The following SH2D2A variants were observed in gnomAD, a reference collection of about 807,000 sequenced individuals.
The protein encoded by SH2D2A is SH2 domain-containing protein 2A.
SH2D2A carries 33 observed loss-of-function variants against 43.6 expected under a neutral mutation model. The ratio of observed to expected loss-of-function variants is 0.76; its 90% CI spans 0.57 to 1.01. The LOEUF (loss-of-function observed/expected upper bound fraction) is 1.01, where lower values mean the gene tolerates loss of function less well. Among genes scored for constraint, SH2D2A ranks in the 50% least tolerant of loss-of-function variants. The probability of loss-of-function intolerance (pLI) is 0.00; values close to 1 mark genes in which losing one functional copy is unlikely to be tolerated. For synonymous variants in SH2D2A, 212 were observed against 206.1 expected, an observed-to-expected ratio of 1.03 and a Z score of -0.25; for missense variants, 491 against 503.1, an observed-to-expected ratio of 0.98 and a Z score of 0.23.
At chr1:156,811,264 A>G (rs902530805) in intron 5 of SH2D2A, among the ~76,000 whole-genome samples, 3 of 152,148 alleles carry the variant, frequency 2.0e-5, no homozygotes, top group African/African-American at 7.2e-5. Context: ...CTCCATGCAC[A>G]TGGCCAGCAC....
intron 2 of SH2D2A, 132 bp downstream of exon 2, chr1:156,815,874 A>T (rs368557134): frequency 1.8e-4 from 284 of 1,613,952 alleles, no homozygotes; most frequent in Non-Finnish European, 2.3e-4. Context: ...TCTGTGCCCC[A>T]GCCCGTTGGC....
At chr1:156,814,488 G>A (rs2102814900) in intron 3 of SH2D2A, 194 bp from the exon 4 acceptor site, 1 of 1,093,258 alleles carries the variant, frequency 9.1e-7, no homozygotes, top group East Asian at 2.7e-5. Flanking sequence ...CGTGGACAGG[G>A]GCCAGGGGTC....
intron 1 of SH2D2A, among the ~76,000 whole-genome samples, 182 bp downstream of exon 1, chr1:156,816,493 C>A (rs1198217033): frequency 6.6e-6 from 1 of 152,228 alleles, no homozygotes; most frequent in Admixed American, 6.5e-5. Flanking sequence ...CCTTTATCCT[C>A]AGGGATGAGT....
At chr1:156,806,814 C>A (rs1161963202) in intron 8 of SH2D2A, among the ~76,000 whole-genome samples, 1 of 152,230 alleles carries the variant, frequency 6.6e-6, no homozygotes, top group Non-Finnish European at 1.5e-5. Context: ...GCTATGTTTT[C>A]TTCTCCGCAT....
Position 156,807,267 on chromosome 1 carries a change from C to T in SH2D2A, c.1081G>A (p.Ala361Thr), listed in dbSNP as rs202237236. ...TTGTGGGGGAGGGTGTGTCTCCAGG[C>T]GGGTGGGGGCTGGTGGGGCAGGGGA... The part of the protein sequence containing the change: ...GPPLPHQPPP[A>T]WRHTLPHNLS... The change falls in exon 8 of 9, where the codon GCC (alanine) becomes ACC (threonine). Residue 361 changes from alanine to threonine, a missense_variant. By Grantham distance (58) the Ala-to-Thr change is moderately conservative. Coordinates refer to ENST00000368199, the MANE Select transcript of SH2D2A (RefSeq NM_003975.4). The surrounding 1 kb of genome is among the most constrained non-coding windows in gnomAD (Gnocchi z 5.1). 1.5e-4 allele frequency: 38 copies of T among 258,358 alleles called. No homozygotes were observed. The highest frequency in any genetic ancestry group is 1.2e-3 in the East Asian group (13 of 10,580). The allele number at this position is 258,358 out of a possible 1,614,324, so 16.0% of individuals were successfully genotyped here. A position where few individuals can be genotyped will look rare whatever the true frequency, so the allele number is the denominator to read the frequency against.
At position 156,812,269 on chromosome 1, in the gene SH2D2A, C is replaced by T. The variant is rs544980267; in HGVS notation, c.567+1579G>A. 1.6e-4 allele frequency among the ~76,000 whole-genome samples: 25 copies of T among 152,264 alleles called. No individual in the cohort carries two copies. The South Asian group carries it at 2.9e-3, about 18-fold the overall frequency. The stretch of plus-strand genomic sequence containing the variant: ...CGAAACTTGCCAGGCCATGTCACCC[C>T]TCAGCTTGTAAGTCTCCAGTGCCAC... On this transcript the variant is annotated intron_variant, in intron 5 of 8. Transcript: ENST00000368199.
rs1423795967 is a variant in SH2D2A at position 156,809,756 on chromosome 1, T to C, written c.619A>G (p.Ser207Gly). Reference protein sequence around the residue: ...SLRTEESNFGSKSQDPNPQYS... With the variant: ...SLRTEESNFGGKSQDPNPQYS... ...TGGGGGTTTGGGTCCTGGCTTTTGC[T>C]TCCAAAGTTTGATTCTTCGGTCCTC... Residue 207 changes from serine to glycine, a missense_variant, in exon 6 of 9, where the codon AGC (serine) becomes GGC (glycine). By Grantham distance (56) the Ser-to-Gly change is moderately conservative (BLOSUM62 0). Coordinates refer to ENST00000368199, the MANE Select transcript of SH2D2A (RefSeq NM_003975.4). The surrounding 1 kb of genome is among the most constrained non-coding windows in gnomAD (Gnocchi z 4.8). The C allele has an allele frequency of 1.1e-5, 17 of 1,614,124 alleles. No homozygotes were observed. Among genetic ancestry groups the C allele is most frequent in the Non-Finnish European group, 1.4e-5 (16 of 1,180,006 alleles).
intron 2 of SH2D2A, chr1:156,815,433 C>T (rs774229353): frequency 7.0e-6 from 4 of 569,652 alleles, no homozygotes; most frequent in African/African-American, 3.7e-5. Flanking sequence ...TTCCTTTGCC[C>T]TCTGGGTCCT....
rs915718609 is a variant in SH2D2A at position 156,809,558 on chromosome 1, C to T, written c.715-68G>A. The T allele has an allele frequency of 2.6e-6, 4 of 1,554,458 alleles. No homozygotes were observed. In the African/African-American group the frequency reaches 4.1e-5, roughly 16 times the overall value. On this transcript the variant is annotated intron_variant, in intron 6 of 8. Coordinates refer to ENST00000368199, the MANE Select transcript of SH2D2A (RefSeq NM_003975.4). This position sits in a 1 kb window ranked among gnomAD's most constrained non-coding sequence, Gnocchi z 4.8. ...GCAGGGTTAAAGCCCCAGCCTAACT[C>T]CCAGCCTGAGCCTCTGCCCCCGCTA... is the stretch of plus-strand genomic sequence containing the variant.
Position 156,815,067 on chromosome 1 carries a change from G to A in SH2D2A, c.278C>T (p.Pro93Leu). 3.8e-6 allele frequency: 6 copies of A among 1,590,460 alleles called. No individual in the cohort carries two copies. The highest frequency in any genetic ancestry group is 5.1e-6 in the Non-Finnish European group (6 of 1,167,856). Residue 93 changes from proline (P) to leucine (L), a missense_variant, in exon 3 of 9, where the codon CCT becomes CTT. Pro to Leu is a moderately conservative substitution (Grantham distance 98, BLOSUM62 -3). Coordinates refer to ENST00000368199, the MANE Select transcript of SH2D2A (RefSeq NM_003975.4). ...AHWLLQHGAA[P>L]AWFHGFITRR... ...GGTGATGAAGCCATGGAACCAGGCAGGGGCTGCCCCGTGCTGCAGGAGCCA... is the reference window on the plus strand; with the variant it reads ...GGTGATGAAGCCATGGAACCAGGCAAGGGCTGCCCCGTGCTGCAGGAGCCA...
chr1:156,815,419 C>T, intron 2 of SH2D2A, 198 bp from the exon 3 acceptor site: 1 of 574,072 alleles, frequency 1.7e-6, no homozygotes, highest in Non-Finnish European at 3.1e-6. Flanking sequence ...TCCAGAGACT[C>T]TCCTTCCTTT....
At chr1:156,815,391 G>A (rs139971219) in intron 2 of SH2D2A, 170 bp from the exon 3 acceptor site, 205 of 590,442 alleles carry the variant, frequency 3.5e-4, no homozygotes, top group Middle Eastern at 8.6e-4. Flanking sequence ...CCCTTCTTCA[G>A]CTCCAGCTGT....
chr1:156,816,128 A>C, intron 1 of SH2D2A, 34 bp from the exon 2 acceptor site: 1 of 1,592,798 alleles, frequency 6.3e-7, no homozygotes, highest in Non-Finnish European at 8.5e-7. Flanking sequence ...GGGGTTTCTC[A>C]GAGAGGAACT....
Position 156,814,187 on chromosome 1 carries a change from C to A in SH2D2A, c.398+18G>T. 1 of 1,612,522 alleles carries A rather than the reference C, an allele frequency of 6.2e-7. No individual in the cohort carries two copies. Among genetic ancestry groups the A allele is most frequent in the Non-Finnish European group, 8.5e-7 (1 of 1,179,622 alleles). ...GAGCCCCGCCTTGTGTCGCCCGGCG[C>A]GGGGCCTCGCCCCTCACCTGTAAGT... is the stretch of plus-strand genomic sequence containing the variant. On this transcript the variant is annotated intron_variant, in intron 4 of 8. Transcript: ENST00000368199.
At position 156,807,376 on chromosome 1, in the gene SH2D2A, C is replaced by A; in HGVS notation, c.1003-31G>T. 1 of 1,463,984 alleles carries A rather than the reference C, an allele frequency of 6.8e-7. No homozygotes were observed. Among genetic ancestry groups the A allele is most frequent in the East Asian group, 2.5e-5 (1 of 40,680 alleles). The allele number at this position is 1,463,984 out of a possible 1,614,324, so 90.7% of individuals were successfully genotyped here. A position where few individuals can be genotyped will look rare whatever the true frequency, so the allele number is the denominator to read the frequency against. On this transcript the variant is annotated intron_variant, in intron 7 of 8. Coordinates refer to ENST00000368199, the MANE Select transcript of SH2D2A (RefSeq NM_003975.4). The surrounding 1 kb of genome is among the most constrained non-coding windows in gnomAD (Gnocchi z 5.1). ...GAGAGAAGGACAGTTCTAGGTCACA[C>A]CCTCTACCCTCTGCCTCCTAGGTGT...
chr1:156,815,627 C>T (rs1653830742), intron 2 of SH2D2A: 1 of 684,558 alleles, frequency 1.5e-6, no homozygotes, highest in Admixed American at 2.1e-5. Flanking sequence ...AGGGACTGAC[C>T]TAGTTCGCAG....
Position 156,807,491 on chromosome 1 carries a change from CTCCTG to C in SH2D2A, c.1003-151_1003-147del, listed in dbSNP as rs1420865234. On this transcript the variant is annotated intron_variant, in intron 7 of 8. Coordinates refer to ENST00000368199, the MANE Select transcript of SH2D2A (RefSeq NM_003975.4). This position sits in a 1 kb window ranked among gnomAD's most constrained non-coding sequence, Gnocchi z 5.1. ...TCTCATTCATTAATTCAACAAACAT[CTCCTG>C]AGCACCTGCTCTGTGCCAGGCACTG... 2 of 689,990 alleles carry C rather than the reference CTCCTG, an allele frequency of 2.9e-6. No homozygotes were observed. Among genetic ancestry groups the C allele is most frequent in the Non-Finnish European group, 4.7e-6 (2 of 427,296 alleles). 42.7% of individuals were successfully genotyped at this position (689,990 alleles called of 1,614,324 possible).
chr1:156,814,617 A>G, intron 3 of SH2D2A: 1 of 458,024 alleles, frequency 2.2e-6, no homozygotes, highest in Non-Finnish European at 3.9e-6. Flanking sequence ...CAGAAGTCAA[A>G]GCTGAACTGA....
Position 156,809,377 on chromosome 1 carries a change from G to A in SH2D2A, c.828C>T (p.Ser276=). 1.2e-6 allele frequency: 2 copies of A among 1,614,158 alleles called. No individual in the cohort carries two copies. The highest frequency in any genetic ancestry group is 8.5e-7 in the Non-Finnish European group (1 of 1,180,026). ...CATCAGGCTCATTGTAGATAGGATTGGAGGGCTTGGGGCGTGGGGCCGGGC... is the reference window on the plus strand; with the variant it reads ...CATCAGGCTCATTGTAGATAGGATTAGAGGGCTTGGGGCGTGGGGCCGGGC... ...RHRPAPRPKP[S]NPIYNEPDEP... is the part of the protein sequence containing the mutation. The change falls in exon 7 of 9, where the codon TCC becomes TCT. Residue 276 remains serine (S), a synonymous_variant. Coordinates refer to ENST00000368199, the MANE Select transcript of SH2D2A (RefSeq NM_003975.4). This position sits in a 1 kb window ranked among gnomAD's most constrained non-coding sequence, Gnocchi z 4.8.
Sources: gnomAD v4.1 joint callset for allele counts (sites outside exome capture counted in the v4.1 genomes callset) on GRCh38, gnomAD v4.1.1 for gene constraint, Gnocchi (gnomAD v3.1) non-coding constraint, MANE v1.5 for transcripts, NCBI Gene and HGNC (gene_info 2026-07-23, HGNC 2026-07-21) for gene names.